TIAM1: variants seen among roughly 807,000 people sequenced by gnomAD.
TIAM1 encodes the protein TIAM Rac1 associated GEF 1.
In TIAM1, 65 loss-of-function variants were observed where a neutral mutation model predicts 163.5. The observed-to-expected ratio is 0.40, with a 90% confidence interval of 0.33 to 0.49. TIAM1 has a LOEUF of 0.49. Ranked by LOEUF, TIAM1 falls within the 20% of genes least tolerant of loss-of-function variation. The pLI is 0.77. For missense variants in TIAM1, 1,789 were observed against 2,044.7 expected (o/e 0.87, Z 2.41); for synonymous variants, 833 against 810.1 (o/e 1.03, Z -0.48).
Position 31,165,007 on chromosome 21 carries a change from C to T in TIAM1, c.2946G>A (p.Glu982=), listed in dbSNP as rs1177408059. 6.2e-7 allele frequency: 1 copy of T among 1,614,184 alleles called. No homozygotes were observed. Among genetic ancestry groups the T allele is most frequent in the African/African-American group, 1.3e-5 (1 of 75,070 alleles). Reference sequence around the variant, plus strand: ...CATCTGAGGATTCCAAGTCTGGCCCCTCGGTCTCCTCTGGAGCGGTCTCAG... The same window carrying T: ...CATCTGAGGATTCCAAGTCTGGCCCTTCGGTCTCCTCTGGAGCGGTCTCAG... ...SSAETAPEET[E]GPDLESSDET... Residue 982 remains glutamate, a synonymous_variant, in exon 16 of 28, where the codon GAG becomes GAA. Transcript: ENST00000541036.
intron 1 of TIAM1, among the ~76,000 whole-genome samples, chr21:31,523,251 G>A (rs1280304389): frequency 6.6e-6 from 1 of 152,214 alleles, no homozygotes; most frequent in African/African-American, 2.4e-5. Flanking sequence ...TTTACTGGGT[G>A]CAATTTTCAC....
chr21:31,163,556 A>C (rs1052274592), intron 16 of TIAM1, among the ~76,000 whole-genome samples: 1 of 152,238 alleles, frequency 6.6e-6, no homozygotes, highest in Non-Finnish European at 1.5e-5. Flanking sequence ...AAGATCCTAC[A>C]GTCAGGAAAG....
intron 1 of TIAM1, among the ~76,000 whole-genome samples, chr21:31,553,578 G>A (rs1392166522): frequency 6.6e-6 from 1 of 152,114 alleles, no homozygotes; most frequent in African/African-American, 2.4e-5. Context: ...TCATTTGCCT[G>A]GAATGCGGCC....
chr21:31,236,258 T>C (rs571610332), intron 6 of TIAM1, among the ~76,000 whole-genome samples: 3 of 152,306 alleles, frequency 2.0e-5, no homozygotes, highest in African/African-American at 4.8e-5. Context: ...AAATTCTTTA[T>C]ATAGATAAAG....
chr21:31,403,433 C>T (rs1452069828), intron 2 of TIAM1, among the ~76,000 whole-genome samples: 1 of 152,194 alleles, frequency 6.6e-6, no homozygotes, highest in Non-Finnish European at 1.5e-5. Context: ...AGGCGTGAGC[C>T]ACTGCTCCCG....
intron 2 of TIAM1, among the ~76,000 whole-genome samples, chr21:31,450,470 T>C (rs1009372495): frequency 2.0e-5 from 3 of 151,990 alleles, no homozygotes; most frequent in African/African-American, 7.3e-5. Context: ...GAACAGGTGC[T>C]TTCTCTCTGC....
intron 2 of TIAM1, among the ~76,000 whole-genome samples, chr21:31,357,504 C>A (rs2076335419): frequency 6.6e-6 from 1 of 152,180 alleles, no homozygotes; most frequent in South Asian, 2.1e-4. Context: ...CTAAAGCCAA[C>A]CCCTCCACTT....
intron 1 of TIAM1, among the ~76,000 whole-genome samples, chr21:31,548,118 TTTG>T (rs1195567402): frequency 6.7e-6 from 1 of 148,808 alleles, no homozygotes; most frequent in Non-Finnish European, 1.5e-5. Flanking sequence ...TCGAATAGTA[TTTG>T]TTATTTGTGT....
upstream of TIAM1, among the ~76,000 whole-genome samples, chr21:31,345,137 G>A (rs527970920): frequency 3.0e-4 from 46 of 152,224 alleles, no homozygotes; most frequent in African/African-American, 1.1e-3. Flanking sequence ...AGAAGAAAAC[G>A]GTAAATCTGA....
Position 31,118,671 on chromosome 21 carries a change from C to A in TIAM1, c.*1697G>T. The stretch of plus-strand genomic sequence containing the variant: ...AGAAGCCTCTGCTTCCGTTTTCCAT[C>A]TGGACGCGATCGAACCGGAGATGAT... On this transcript the variant is annotated 3_prime_UTR_variant, in exon 28 of 28. Transcript: ENST00000541036. 2.1e-6 allele frequency: 1 copy of A among 471,100 alleles called. No homozygotes were observed. Among genetic ancestry groups the A allele is most frequent in the Non-Finnish European group, 4.4e-6 (1 of 227,032 alleles). 29.2% of individuals were successfully genotyped at this position (471,100 alleles called of 1,614,324 possible).
At chr21:31,158,018 C>T (rs930430310) in intron 16 of TIAM1, among the ~76,000 whole-genome samples, 1 of 152,186 alleles carries the variant, frequency 6.6e-6, no homozygotes, top group African/African-American at 2.4e-5. Flanking sequence ...GGTTTTCATT[C>T]CATCTGTTCT....
intron 2 of TIAM1, among the ~76,000 whole-genome samples, chr21:31,373,225 G>A (rs2076628674): frequency 6.6e-6 from 1 of 152,202 alleles, no homozygotes; most frequent in Non-Finnish European, 1.5e-5. Flanking sequence ...GAGAGGCAGA[G>A]GTTGCAGTAA....
In TIAM1 at chr21:31,182,723, G is replaced by A. The variant is rs977054395; in HGVS notation, c.2663-78C>T. On this transcript the variant is annotated intron_variant, in intron 14 of 27. Coordinates refer to ENST00000541036, the MANE Select transcript of TIAM1 (RefSeq NM_001353694.2). ...ACAGCTTAGGAGCTCTGCTATAAAG[G>A]GCACACCTGCTGTGGGTCTCACAGC... 4 of 1,426,342 alleles carry A rather than the reference G, an allele frequency of 2.8e-6. No individual in the cohort carries two copies. In the African/African-American group the frequency reaches 4.3e-5, roughly 15 times the overall value. 88.4% of individuals were successfully genotyped at this position (1,426,342 alleles called of 1,614,324 possible).
chr21:31,454,189 C>A (rs1179334723), intron 2 of TIAM1, among the ~76,000 whole-genome samples: 1 of 152,176 alleles, frequency 6.6e-6, no homozygotes, highest in East Asian at 1.9e-4. Context: ...TCCACAAAGA[C>A]CGATTTTTGT....
Position 31,395,700 on chromosome 21 carries a change from G to A in TIAM1, c.-368-56278C>T, listed in dbSNP as rs757063030. 6.6e-6 allele frequency among the ~76,000 whole-genome samples: 1 copy of A among 152,088 alleles called. No individual in the cohort carries two copies. The highest frequency in any genetic ancestry group is 2.1e-4 in the South Asian group (1 of 4,822). ...TTGACTAAAACATCTATCTTGGGGAGGGGGCGCATGCGTTCCCCTGGCTGT... is the reference window on the plus strand; with the variant it reads ...TTGACTAAAACATCTATCTTGGGGAAGGGGCGCATGCGTTCCCCTGGCTGT... On this transcript the variant is annotated intron_variant, in intron 2 of 28. Coordinates refer to the TIAM1 transcript ENST00000286827. This position sits in a 1 kb window ranked among gnomAD's most constrained non-coding sequence, Gnocchi z 7.5.
chr21:31,158,758 G>T (rs189300709), intron 16 of TIAM1, among the ~76,000 whole-genome samples: 12 of 152,182 alleles, frequency 7.9e-5, no homozygotes, highest in African/African-American at 2.9e-4. Context: ...TTTCCATACT[G>T]TGGGGCTCAG....
rs573265252 is a variant in TIAM1 at position 31,534,457 on chromosome 21, C to A, written c.-422+24470G>T. 1.6e-3 allele frequency among the ~76,000 whole-genome samples: 245 copies of A among 152,134 alleles called. 1 individual carries two copies. Among genetic ancestry groups the A allele is most frequent in the African/African-American group, 5.8e-3 (239 of 41,504 alleles). On this transcript the variant is annotated intron_variant, in intron 1 of 28. Transcript: ENST00000286827. ...TTGGGAGGCCGAGGTGGGTGGATCA[C>A]CCAAGGTCAGGAGTTCAAGACCAGC...
At chr21:31,282,486 C>T (rs1456643340) in intron 2 of TIAM1, among the ~76,000 whole-genome samples, 1 of 152,158 alleles carries the variant, frequency 6.6e-6, no homozygotes, top group East Asian at 1.9e-4. Context: ...GTGGGGGTGA[C>T]CTTGAGATGG....
chr21:31,270,032 C>G (rs903469144), intron 3 of TIAM1, among the ~76,000 whole-genome samples: 1 of 152,202 alleles, frequency 6.6e-6, no homozygotes. Flanking sequence ...CTTCCATCAT[C>G]TTAATTTCTT....
Sources: gnomAD v4.1 joint callset for allele counts (sites outside exome capture counted in the v4.1 genomes callset) on GRCh38, gnomAD v4.1.1 for gene constraint, Gnocchi (gnomAD v3.1) non-coding constraint, MANE v1.5 for transcripts, NCBI Gene and HGNC (gene_info 2026-07-23, HGNC 2026-07-21) for gene names.